Variants in NEO1 observed in about 807,000 individuals in gnomAD.
NEO1 encodes the protein neogenin 1.
In NEO1, 63 loss-of-function variants were observed where a neutral mutation model predicts 159.7. The observed-to-expected ratio is 0.39, with a 90% CI of 0.32 to 0.49. The LOEUF is 0.49. Ranked by LOEUF, NEO1 falls within the 20% of genes least tolerant of loss-of-function variation. The pLI, the probability that NEO1 is intolerant of heterozygous loss-of-function variation, is 0.85. For missense variants in NEO1, 1,615 were observed against 1,831.0 expected (o/e 0.88, Z 2.15); for synonymous variants, 633 against 662.0 (o/e 0.96, Z 0.67).
chr15:73,249,110 A>G lies in NEO1; in HGVS notation c.1657A>G (p.Thr553Ala), dbSNP rs1329065831. The stretch of plus-strand genomic sequence containing the variant: ...CCTTCGTGCATATGCAGCTTCGCCT[A>G]CCTCCATCACTGTTACGTGGGAAAC... ...PNLRAYAASP[T>A]SITVTWETPV... The change falls in exon 10 of 29, where the codon ACC (threonine) becomes GCC (alanine). Residue 553 changes from threonine (T) to alanine (A), a missense_variant. Transcript: ENST00000261908. 3.7e-6 allele frequency: 6 copies of G among 1,613,958 alleles called. No individual in the cohort carries two copies. The African/African-American group carries it at 5.3e-5, about 14-fold the overall frequency.
chr15:73,201,040 A>T (rs1596327393), intron 7 of NEO1, among the ~76,000 whole-genome samples: 1 of 151,854 alleles, frequency 6.6e-6, no homozygotes, highest in African/African-American at 2.4e-5. Flanking sequence ...TTCATATCTG[A>T]TATTAGTAAT....
intron 1 of NEO1, among the ~76,000 whole-genome samples, chr15:73,077,967 T>C (rs551964886): frequency 6.6e-6 from 1 of 152,282 alleles, no homozygotes; most frequent in Admixed American, 6.5e-5. Context: ...GACAGACCTA[T>C]GGCGATGGGA....
chr15:73,147,780 CT>C (rs1320106107), intron 5 of NEO1, among the ~76,000 whole-genome samples: 1 of 149,326 alleles, frequency 6.7e-6, no homozygotes, highest in African/African-American at 2.5e-5. Flanking sequence ...GATATATATT[CT>C]TTTATTGTAT....
intron 23 of NEO1, among the ~76,000 whole-genome samples, chr15:73,284,419 A>C (rs1049248278): frequency 2.0e-5 from 3 of 152,162 alleles, no homozygotes; most frequent in African/African-American, 7.2e-5. Context: ...TGCTACTGGT[A>C]ATGACTTTAT....
chr15:73,088,297 AGGAAGATATT>A (rs2069478092), intron 1 of NEO1, among the ~76,000 whole-genome samples: 2 of 152,034 alleles, frequency 1.3e-5, no homozygotes, highest in African/African-American at 4.8e-5. Flanking sequence ...TTCAGTGGAA[AGGAAGATATT>A]GAACCAGGAG....
intron 7 of NEO1, among the ~76,000 whole-genome samples, chr15:73,218,107 C>A (rs1489475151): frequency 3.3e-5 from 5 of 152,152 alleles, no homozygotes; most frequent in Non-Finnish European, 2.9e-5. Flanking sequence ...CCCATCAATA[C>A]CTAATTTATT....
chr15:73,145,956 G>A (rs1030191598), intron 5 of NEO1, among the ~76,000 whole-genome samples: 1 of 152,052 alleles, frequency 6.6e-6, no homozygotes, highest in Non-Finnish European at 1.5e-5. Flanking sequence ...AATTTCAAGG[G>A]CAACCACTAG....
chr15:73,235,898 T>A (rs1436021652), intron 7 of NEO1, among the ~76,000 whole-genome samples: 1 of 152,232 alleles, frequency 6.6e-6, no homozygotes, highest in Non-Finnish European at 1.5e-5. Context: ...AGTGAAGTCT[T>A]GTCATTTGCA....
At chr15:73,283,649 G>A (rs1395878934) in intron 23 of NEO1, among the ~76,000 whole-genome samples, 5 of 152,184 alleles carry the variant, frequency 3.3e-5, no homozygotes. Context: ...AGTTAATTTA[G>A]CTCAACCTCT....
At chr15:73,177,453 G>A (rs1015657924) in intron 6 of NEO1, among the ~76,000 whole-genome samples, 3 of 152,104 alleles carry the variant, frequency 2.0e-5, no homozygotes, top group Non-Finnish European at 2.9e-5. Flanking sequence ...ACATTAAAAA[G>A]CAATCTGTTA....
intron 11 of NEO1, among the ~76,000 whole-genome samples, chr15:73,250,347 T>C (rs2040010842): frequency 6.6e-6 from 1 of 152,190 alleles, no homozygotes; most frequent in Non-Finnish European, 1.5e-5. Context: ...AGGGTATATG[T>C]TGTTTCATGA....
At position 73,178,418 on chromosome 15, in the gene NEO1, C is replaced by T. The variant is rs2035403005; in HGVS notation, c.1282C>T (p.Leu428Phe). 1 of 1,613,400 alleles carries T rather than the reference C, an allele frequency of 6.2e-7. No individual in the cohort carries two copies. Among genetic ancestry groups the T allele is most frequent in the Non-Finnish European group, 8.5e-7 (1 of 1,179,714 alleles). ...NAQAGAQLII[L>F]EHAPATTGPL... is the part of the protein sequence containing the mutation. ...ACAAGCTGGAGCCCAACTGATAATCCTTGAACATGGTAAGAAGGGCTGAAA... is the reference window on the plus strand; with the variant it reads ...ACAAGCTGGAGCCCAACTGATAATCTTTGAACATGGTAAGAAGGGCTGAAA... Residue 428 changes from leucine to phenylalanine, a missense_variant, in exon 7 of 29, where the codon CTT (leucine) becomes TTT (phenylalanine). Coordinates refer to ENST00000261908, the MANE Select transcript of NEO1 (RefSeq NM_002499.4).
At chr15:73,253,323 C>A in intron 11 of NEO1, 77 bp from the exon 12 acceptor site, 1 of 820,462 alleles carries the variant, frequency 1.2e-6, no homozygotes. Context: ...TGTTTAAAGT[C>A]CAGCCAAGAT....
At chr15:73,114,260 T>C (rs1451261487) in intron 1 of NEO1, among the ~76,000 whole-genome samples, 3 of 152,026 alleles carry the variant, frequency 2.0e-5, no homozygotes, top group African/African-American at 7.2e-5. Flanking sequence ...GGGAGAGCAA[T>C]GCAGGGGAGC....
Position 73,116,299 on chromosome 15 carries a change from G to A in NEO1, c.131-241G>A, listed in dbSNP as rs137978359. On this transcript the variant is annotated intron_variant, in intron 1 of 28. Transcript: ENST00000261908. ...TTAGATACTCATGTCATTTAACAAG[G>A]CTTGTTTATCTCAGGTAGAAGGTTT... 8.9e-4 allele frequency among the ~76,000 whole-genome samples: 135 copies of A among 152,070 alleles called. 1 individual carries two copies. The highest frequency in any genetic ancestry group is 3.2e-3 in the African/African-American group (131 of 41,528).
At chr15:73,055,583 C>T (rs2067656055) in intron 1 of NEO1, among the ~76,000 whole-genome samples, 1 of 152,182 alleles carries the variant, frequency 6.6e-6, no homozygotes, top group African/African-American at 2.4e-5. Flanking sequence ...CAGTTGCCAC[C>T]TGTAAGCTAA....
chr15:73,095,745 T>A (rs1298994438), intron 1 of NEO1, among the ~76,000 whole-genome samples: 1 of 152,150 alleles, frequency 6.6e-6, no homozygotes, highest in African/African-American at 2.4e-5. Context: ...ATTATCATTA[T>A]TGAAGCCTAA....
chr15:73,075,965 C>CT (rs1321214854), intron 1 of NEO1, among the ~76,000 whole-genome samples: 2 of 151,970 alleles, frequency 1.3e-5, no homozygotes, highest in African/African-American at 2.4e-5. Context: ...TTTGAATTTC[C>CT]TTTTTTTGCT....
At chr15:73,201,208 C>T (rs547793521) in intron 7 of NEO1, among the ~76,000 whole-genome samples, 4 of 151,118 alleles carry the variant, frequency 2.6e-5, no homozygotes, top group Non-Finnish European at 5.9e-5. Flanking sequence ...TCCCCTTCTT[C>T]TGCTTGCTTT....
Sources: allele counts gnomAD v4.1 joint callset (sites outside exome capture counted in the v4.1 genomes callset), GRCh38; gene constraint gnomAD v4.1.1; transcripts MANE v1.5; gene names NCBI Gene and HGNC (gene_info 2026-07-23, HGNC 2026-07-21).